PIEZO2: variants seen among roughly 807,000 people sequenced by gnomAD.
PIEZO2 encodes the protein piezo-type mechanosensitive ion channel component 2.
A neutral mutation model predicts 337.3 loss-of-function variants in PIEZO2; 172 were observed. That is an observed-to-expected ratio of 0.51 (90% CI 0.45 to 0.58). The LOEUF is 0.58. Among genes scored for constraint, PIEZO2 ranks in the 20% least tolerant of loss-of-function variants. PIEZO2 has a pLI of 0.00. For missense variants in PIEZO2, 3,028 were observed against 3,391.3 expected, an observed-to-expected ratio of 0.89 and a Z score of 2.66; for synonymous variants, 1,251 against 1,228.5, an observed-to-expected ratio of 1.02 and a Z score of -0.38.
intron 7 of PIEZO2, among the ~76,000 whole-genome samples, chr18:10,848,895 C>G (rs996336849): frequency 2.6e-5 from 4 of 152,182 alleles, no homozygotes; most frequent in African/African-American, 9.7e-5. Context: ...CTGCCATCCC[C>G]TCCACTCTAA....
chr18:10,685,409 A>G (rs1417303646), intron 49 of PIEZO2, among the ~76,000 whole-genome samples: 2 of 152,238 alleles, frequency 1.3e-5, no homozygotes, highest in Non-Finnish European at 2.9e-5. Context: ...CATAGGATGG[A>G]AGTATATACT....
chr18:10,720,311 G>GTATA (rs1226439947), intron 36 of PIEZO2, among the ~76,000 whole-genome samples: 8 of 119,630 alleles, frequency 6.7e-5, no homozygotes, highest in South Asian at 5.3e-4. Flanking sequence ...CTCTCTGTGT[G>GTATA]TATATATATA....
At chr18:10,840,931 A>ACACTAGTGTCATCC (rs1238930004) in intron 7 of PIEZO2, among the ~76,000 whole-genome samples, 2 of 152,182 alleles carry the variant, frequency 1.3e-5, no homozygotes, top group African/African-American at 4.8e-5. Context: ...TGACACAGGC[A>ACACTAGTGTCATCC]CACTAGTTAG....
At chr18:10,771,427 C>T (rs1422933334) in intron 20 of PIEZO2, among the ~76,000 whole-genome samples, 3 of 152,242 alleles carry the variant, frequency 2.0e-5, no homozygotes, top group Non-Finnish European at 4.4e-5. Flanking sequence ...TATGCTGGCT[C>T]ACTTTATTGA....
rs2039567464 is a variant in PIEZO2, at chr18:10,795,502, T to C, written c.1528-500A>G. On this transcript the variant is annotated intron_variant, in intron 12 of 55. Coordinates refer to ENST00000674853, the MANE Select transcript of PIEZO2 (RefSeq NM_001378183.1). The surrounding 1 kb of genome is among the most constrained non-coding windows in gnomAD (Gnocchi z 4.4). ...TCCTGTGAGCTCAGAATGAGAGATT[T>C]GCTGCAGTTTAAAGTAGCAGTTGAT... 1.3e-5 allele frequency among the ~76,000 whole-genome samples: 2 copies of C among 152,080 alleles called. No homozygotes were observed. The highest frequency in any genetic ancestry group is 4.8e-5 in the African/African-American group (2 of 41,402).
intron 27 of PIEZO2, among the ~76,000 whole-genome samples, chr18:10,755,942 G>A (rs1351400752): frequency 6.7e-6 from 1 of 148,578 alleles, no homozygotes; most frequent in Non-Finnish European, 1.5e-5. Context: ...AAGGATGAGG[G>A]ATGGAGGATG....
intron 2 of PIEZO2, among the ~76,000 whole-genome samples, chr18:10,995,177 G>A (rs1241912494): frequency 2.0e-5 from 3 of 151,678 alleles, no homozygotes; most frequent in Non-Finnish European, 4.4e-5. Context: ...TCTTTCAGGA[G>A]TAAGGTGGTA....
intron 47 of PIEZO2, among the ~76,000 whole-genome samples, chr18:10,695,223 G>A (rs559646093): frequency 6.6e-6 from 1 of 152,344 alleles, no homozygotes; most frequent in South Asian, 2.1e-4. Context: ...GGCGTGAGGT[G>A]GGAGACAGTC....
chr18:10,752,615 T>C (rs977845948), intron 28 of PIEZO2, 21 bp downstream of exon 28: 43 of 1,535,890 alleles, frequency 2.8e-5, no homozygotes, highest in Non-Finnish European at 3.4e-5. Flanking sequence ...GCAAATGTGT[T>C]ATGCAGTGGC....
At position 10,752,678 on chromosome 18, in the gene PIEZO2, G is replaced by A. The variant is rs775996099; in HGVS notation, c.4125C>T (p.Ile1375=). The part of the protein sequence containing the change: ...KSILRYWDWL[I]AYNVFVITMK... ...TCGTAATCACAAAAACGTTGTATGC[G>A]ATCAGCCAGTCCCAGTAGCGCAGGA... The change falls in exon 28 of 56, where the codon ATC becomes ATT. Residue 1375 remains isoleucine (I), a synonymous_variant. Transcript: ENST00000674853. 22 of 1,537,070 alleles carry A rather than the reference G, an allele frequency of 1.4e-5. No individual in the cohort carries two copies. The highest frequency in any genetic ancestry group is 2.7e-5 in the African/African-American group (2 of 73,012).
chr18:10,956,840 G>A (rs367957933), intron 3 of PIEZO2, among the ~76,000 whole-genome samples: 4 of 151,694 alleles, frequency 2.6e-5, no homozygotes, highest in South Asian at 2.1e-4. Context: ...GTGGTGGTGC[G>A]TGCCTGTAAT....
intron 38 of PIEZO2, 45 bp from the exon 39 acceptor site, chr18:10,714,975 C>T (rs1239246670): frequency 6.6e-7 from 1 of 1,518,026 alleles, no homozygotes; most frequent in Non-Finnish European, 8.8e-7. Flanking sequence ...GAGGCATCTA[C>T]CTGTATAGCC....
Position 11,016,311 on chromosome 18 carries a change from T to C in PIEZO2, c.161-36651A>G, listed in dbSNP as rs966173638. On this transcript the variant is annotated intron_variant, in intron 2 of 55. Transcript: ENST00000674853. The surrounding 1 kb of genome is among the most constrained non-coding windows in gnomAD (Gnocchi z 5.6). The stretch of plus-strand genomic sequence containing the variant: ...AGAATCACAGGAGAGACACAGAATG[T>C]GGCGGTAGAGACGGTCAGAGCGAAA... Among the ~76,000 whole-genome samples the C allele has an allele frequency of 2.6e-5, 4 of 152,210 alleles. No individual in the cohort carries two copies. The South Asian group carries it at 8.3e-4, about 32-fold the overall frequency.
intron 5 of PIEZO2, among the ~76,000 whole-genome samples, chr18:10,858,771 T>C (rs1203332): frequency 0.057 from 8,710 of 152,140 alleles, 355 homozygotes; most frequent in Non-Finnish European, 0.085. Context: ...AGTTGACTAT[T>C]GATGAGCCAA....
Position 10,762,912 on chromosome 18 carries a change from C to T in PIEZO2, c.3123+10G>A, listed in dbSNP as rs373156083. 21 of 1,535,458 alleles carry T rather than the reference C, an allele frequency of 1.4e-5. No individual in the cohort carries two copies. The African/African-American group carries it at 1.9e-4, about 14-fold the overall frequency. On this transcript the variant is annotated intron_variant, in intron 22 of 55. Coordinates refer to ENST00000674853, the MANE Select transcript of PIEZO2 (RefSeq NM_001378183.1). ...GCAGTCAGGAATATTCCCCCATCAC[C>T]GAGGCTCACCAAGGAACAGTTAACA...
intron 3 of PIEZO2, among the ~76,000 whole-genome samples, chr18:10,932,941 A>G (rs2032177525): frequency 6.6e-6 from 1 of 152,070 alleles, no homozygotes; most frequent in African/African-American, 2.4e-5. Flanking sequence ...GGTAAAAAAA[A>G]AAAATATGAA....
At chr18:10,782,475 ATATAT>A (rs2039061431) in intron 17 of PIEZO2, among the ~76,000 whole-genome samples, 1 of 126,930 alleles carries the variant, frequency 7.9e-6, no homozygotes, top group Admixed American at 9.8e-5. Flanking sequence ...ATTAAATAAT[ATATAT>A]TATATTAAAT....
chr18:10,724,865 C>T lies in PIEZO2; in HGVS notation c.5029+6542G>A. ...GGCCACATGCGTCGCAGTGAGAGCA[C>T]CTACTCTGTAAATAGTACTGGCCGG... On this transcript the variant is annotated intron_variant, in intron 36 of 55. Transcript: ENST00000674853. The surrounding 1 kb of genome is among the most constrained non-coding windows in gnomAD (Gnocchi z 5.8). 6.2e-7 allele frequency: 1 copy of T among 1,608,486 alleles called. No homozygotes were observed. The highest frequency in any genetic ancestry group is 1.3e-5 in the African/African-American group (1 of 74,946).
At chr18:10,935,445 G>A (rs2032339416) in intron 3 of PIEZO2, among the ~76,000 whole-genome samples, 1 of 152,172 alleles carries the variant, frequency 6.6e-6, no homozygotes. Context: ...TCCCTTTAAA[G>A]AAGAGCTGCC....
Sources: gnomAD v4.1 joint callset for allele counts (sites outside exome capture counted in the v4.1 genomes callset) on GRCh38, gnomAD v4.1.1 for gene constraint, Gnocchi (gnomAD v3.1) non-coding constraint, MANE v1.5 for transcripts, NCBI Gene and HGNC (gene_info 2026-07-23, HGNC 2026-07-21) for gene names.